Variants in DLG3 observed in about 807,000 individuals in gnomAD.
DLG3 encodes the protein disks large homolog 3.
Under a neutral mutation model 64.1 loss-of-function variants are expected in DLG3, and 1 was observed. The ratio of observed to expected loss-of-function variants is 0.02; its 90% confidence interval spans 0.01 to 0.07. The LOEUF (loss-of-function observed/expected upper bound fraction) is 0.07. Ranked by LOEUF, DLG3 falls within the 10% of genes least tolerant of loss-of-function variation. The probability of loss-of-function intolerance (pLI) is 1.00; values close to 1 mark genes in which losing one functional copy is unlikely to be tolerated. For missense variants in DLG3, 429 were observed against 669.5 expected (o/e 0.64, Z 3.96); for synonymous variants, 245 against 259.8 (o/e 0.94, Z 0.55).
Position 70,498,516 on chromosome X carries a change from G to A in DLG3, c.1820-4G>A. The A allele has an allele frequency of 8.3e-7, 1 of 1,209,455 alleles. No individual in the cohort carries two copies. The highest frequency in any genetic ancestry group is 1.1e-6 in the Non-Finnish European group (1 of 894,148). On this transcript the variant is annotated splice_region_variant and splice_polypyrimidine_tract_variant and intron_variant, in intron 13 of 18. Transcript: ENST00000374360. ...TGCTAACCTATCTCTCTTTTTTGTT[G>A]CAGAAGGACAAGAGGATGCTATTTT...
At chrX:70,481,834 C>T (rs1198678878) in intron 10 of DLG3, among the ~76,000 whole-genome samples, 1 of 112,033 alleles carries the variant, frequency 8.9e-6, no homozygotes, top group African/African-American at 3.2e-5. Context: ...GGCTCTCTTT[C>T]TACCCTGCTT....
At chrX:70,485,602 G>A (rs904960273) in intron 10 of DLG3, among the ~76,000 whole-genome samples, 2 of 111,745 alleles carry the variant, frequency 1.8e-5, no homozygotes, top group Admixed American at 1.9e-4. Flanking sequence ...AGGCTATAGC[G>A]CTAAAATGCT....
chrX:70,482,660 G>GTTTAT (rs200729766), intron 10 of DLG3, among the ~76,000 whole-genome samples: 1 of 69,250 alleles, frequency 1.4e-5, no homozygotes, highest in African/African-American at 6.2e-5. Context: ...TACATGTGTG[G>GTTTAT]TGTTTTTTTT....
chrX:70,492,023 G>T, intron 10 of DLG3, 84 bp from the exon 11 acceptor site: 1 of 983,531 alleles, frequency 1.0e-6, no homozygotes, highest in Middle Eastern at 3.7e-4. Flanking sequence ...TGTGCTGTTT[G>T]GGTTGGCCTT....
rs371936236 is a variant in DLG3 at position 70,492,127 on chromosome X, G to A, written c.1541G>A (p.Arg514Gln). The A allele has an allele frequency of 3.4e-6, 4 of 1,187,909 alleles. No homozygotes were observed. Among genetic ancestry groups the A allele is most frequent in the African/African-American group, 1.8e-5 (1 of 56,477 alleles). Residue 514 changes from arginine to glutamine, a missense_variant, in exon 11 of 19, where the codon CGG (arginine) becomes CAG (glutamine). Physicochemically the swap from Arg to Gln is conservative, Grantham distance 43. This residue lies in a region of DLG3 where 25 missense variants were observed against 83.7 expected (regional missense o/e 0.30). Transcript: ENST00000374360. ...LYVRALFDYD[R>Q]TRDSCLPSQG... is the part of the protein sequence containing the mutation. ...TTCAGGGCCCTGTTTGATTATGATC[G>A]GACTCGGGACAGCTGCCTGCCAAGC...
intron 10 of DLG3, 103 bp downstream of exon 10, chrX:70,479,367 C>CT: frequency 9.5e-6 from 6 of 632,291 alleles, no homozygotes; most frequent in Non-Finnish European, 1.3e-5. Flanking sequence ...TATGTACTCC[C>CT]AGTTCTAAAA....
intron 9 of DLG3, among the ~76,000 whole-genome samples, chrX:70,475,769 C>A (rs1052319462): frequency 5.3e-5 from 6 of 112,310 alleles, no homozygotes; most frequent in Non-Finnish European, 1.1e-4. Context: ...AGAAGTGATA[C>A]AGAATTTTTA....
chrX:70,448,994 G>A (rs779470746), intron 2 of DLG3, 31 bp downstream of exon 2: 7 of 1,192,324 alleles, frequency 5.9e-6, no homozygotes, highest in Non-Finnish European at 7.9e-6. Context: ...AAGCGGAAAG[G>A]GAAGGAGAGG....
intron 1 of DLG3, among the ~76,000 whole-genome samples, chrX:70,446,978 T>G (rs2086574857): frequency 8.9e-6 from 1 of 112,383 alleles, no homozygotes; most frequent in African/African-American, 3.2e-5. Context: ...CTTACTGCTT[T>G]CCCACATCCC....
intron 10 of DLG3, among the ~76,000 whole-genome samples, chrX:70,485,018 T>C (rs2087230141): frequency 1.8e-5 from 2 of 112,330 alleles, no homozygotes; most frequent in African/African-American, 6.5e-5. Flanking sequence ...TTTCTGTGCA[T>C]GCTTTATACA....
chrX:70,494,029 G>A (rs994557000), intron 12 of DLG3, among the ~76,000 whole-genome samples: 3 of 112,095 alleles, frequency 2.7e-5, no homozygotes, highest in Non-Finnish European at 3.8e-5. Context: ...CAGCAGACTC[G>A]CTGTCATCCT....
intron 10 of DLG3, among the ~76,000 whole-genome samples, chrX:70,487,617 C>T (rs1208257310): frequency 8.9e-6 from 1 of 111,794 alleles, no homozygotes; most frequent in Non-Finnish European, 1.9e-5. Flanking sequence ...TCTTGTATCT[C>T]CCATGTATCT....
At chrX:70,491,970 C>A in intron 10 of DLG3, 137 bp from the exon 11 acceptor site, 1 of 623,336 alleles carries the variant, frequency 1.6e-6, no homozygotes, top group Non-Finnish European at 2.6e-6. Context: ...AGGATGTGGT[C>A]TCCTGGAGAC....
intron 9 of DLG3, among the ~76,000 whole-genome samples, chrX:70,463,314 A>T (rs1184531621): frequency 9.2e-6 from 1 of 109,166 alleles, no homozygotes; most frequent in Admixed American, 9.9e-5. Flanking sequence ...TGCCCAGCAA[A>T]TTTTTTATAT....
rs73634832 is a variant in DLG3 at position 70,502,586 on chromosome X, T to G, written c.*317T>G. On this transcript the variant is annotated 3_prime_UTR_variant, in exon 19 of 19. Transcript: ENST00000374360. ...TGTTTTCATAAAAACCAAGCAGAAG[T>G]GAAGAGAAAAGAGGAGGACTGATGG... 1,955 of 233,201 alleles carry G rather than the reference T, an allele frequency of 8.4e-3. 42 individuals are homozygous for G. The highest frequency in any genetic ancestry group is 0.057 in the African/African-American group (1,840 of 32,290). The allele number at this position is 233,201 out of a possible 1,213,427, so 19.2% of individuals were successfully genotyped here.
In DLG3 at chrX:70,449,763, C is replaced by T. The variant is rs2086599938; in HGVS notation, c.607C>T (p.Leu203=). 7.4e-6 allele frequency: 9 copies of T among 1,209,700 alleles called. No homozygotes were observed. The highest frequency in any genetic ancestry group is 1.0e-5 in the Non-Finnish European group (9 of 894,811). The change falls in exon 4 of 19, where the codon CTG becomes TTG. Residue 203 remains leucine, a synonymous_variant. Transcript: ENST00000374360. ...GGTACACAGCCGGGCGGTGGAGGCG[C>T]TGAAGGAGGCAGGCCCTGTGGTGCG... ...EVVHSRAVEA[L]KEAGPVVRLV...
At chrX:70,501,126 A>G in intron 18 of DLG3, 137 bp downstream of exon 18, 1 of 511,848 alleles carries the variant, frequency 2.0e-6, no homozygotes. Flanking sequence ...TTTGAGCACA[A>G]ACCTTTCCAA....
chrX:70,502,193 T>A lies in DLG3; in HGVS notation c.2378T>A (p.Ile793Asn), dbSNP rs752447600. ...AIVQGDSLEE[I>N]YNKIKQIIED... Reference sequence around the variant, plus strand: ...GTACAGGGTGACTCACTGGAAGAGATTTATAACAAAATCAAACAAATCATT... The same window carrying A: ...GTACAGGGTGACTCACTGGAAGAGAATTATAACAAAATCAAACAAATCATT... The change falls in exon 19 of 19, where the codon ATT becomes AAT. Residue 793 changes from isoleucine (I) to asparagine (N), a missense_variant. Coordinates refer to ENST00000374360, the MANE Select transcript of DLG3 (RefSeq NM_021120.4). 3 of 1,209,671 alleles carry A rather than the reference T, an allele frequency of 2.5e-6. No homozygotes were observed. Among genetic ancestry groups the A allele is most frequent in the Non-Finnish European group, 3.4e-6 (3 of 894,211 alleles).
intron 9 of DLG3, among the ~76,000 whole-genome samples, chrX:70,457,576 T>C (rs2086730932): frequency 9.5e-6 from 1 of 105,819 alleles, no homozygotes; most frequent in South Asian, 4.1e-4. Flanking sequence ...TTTTAGGACT[T>C]TTTTTTTTTT....
Sources: allele counts gnomAD v4.1 joint callset (sites outside exome capture counted in the v4.1 genomes callset), GRCh38; gene constraint gnomAD v4.1.1; regional missense constraint gnomAD v4.1.1; transcripts MANE v1.5; gene names NCBI Gene and HGNC (gene_info 2026-07-23, HGNC 2026-07-21).